OSBPL3: variants seen among roughly 807,000 people sequenced by gnomAD.
The protein encoded by OSBPL3 is oxysterol-binding protein-related protein 3.
OSBPL3 carries 65 observed loss-of-function variants against 120.1 expected under a neutral mutation model. The ratio of observed to expected loss-of-function variants is 0.54; its 90% CI spans 0.44 to 0.67. The LOEUF is 0.67. OSBPL3 is among the 30% of genes least tolerant of loss of function. The pLI is 0.00. For synonymous variants in OSBPL3, 416 were observed against 402.6 expected, an observed-to-expected ratio of 1.03 and a Z score of -0.40; for missense variants, 1,004 against 1,082.1, an observed-to-expected ratio of 0.93 and a Z score of 1.01.
intron 1 of OSBPL3, among the ~76,000 whole-genome samples, chr7:24,978,686 T>C (rs755949959): frequency 2.0e-5 from 3 of 152,268 alleles, no homozygotes; most frequent in African/African-American, 4.8e-5. Context: ...TTCACCCATC[T>C]GTGGAAGTAT....
chr7:24,870,739 T>A lies in OSBPL3; in HGVS notation c.374A>T (p.His125Leu). 1 of 1,593,150 alleles carries A rather than the reference T, an allele frequency of 6.3e-7. No homozygotes were observed. Among genetic ancestry groups the A allele is most frequent in the Non-Finnish European group, 8.6e-7 (1 of 1,160,786 alleles). Reference protein sequence around the residue: ...IDLDTEEHIYHLKVKSEEVFD... With the variant: ...IDLDTEEHIYLLKVKSEEVFD... ...AGTGGGAAGCAGCCTCACCTTCAGA[T>A]GGTAGATGTGCTCCTCGGTGTCAAG... The change falls in exon 5 of 23, where the codon CAT (histidine) becomes CTT (leucine). Residue 125 changes from histidine to leucine, a missense_variant. Around this residue, in one of 4 missense-constraint regions of OSBPL3, gnomAD observed 255 missense variants for 248.7 expected, o/e 1.03. Coordinates refer to ENST00000313367, the MANE Select transcript of OSBPL3 (RefSeq NM_015550.4).
Position 24,939,370 on chromosome 7 carries a change from T to A in OSBPL3, c.-150+40516A>T, listed in dbSNP as rs1812815762. On this transcript the variant is annotated intron_variant, in intron 1 of 22. Coordinates refer to ENST00000313367, the MANE Select transcript of OSBPL3 (RefSeq NM_015550.4). The surrounding 1 kb of genome is among the most constrained non-coding windows in gnomAD (Gnocchi z 4.2). ...TGTGCTTGAGGAGAGCTTGGGCTCC[T>A]CCCCAACCCCAGCTGTAAATCCTGA... Among the ~76,000 whole-genome samples, 1 of 152,166 alleles carries A rather than the reference T, an allele frequency of 6.6e-6. No homozygotes were observed. Among genetic ancestry groups the A allele is most frequent in the Admixed American group, 6.5e-5 (1 of 15,280 alleles).
intron 1 of OSBPL3, among the ~76,000 whole-genome samples, chr7:24,928,336 C>T (rs567477387): frequency 1.5e-4 from 23 of 152,066 alleles, no homozygotes; most frequent in African/African-American, 2.9e-4. Flanking sequence ...GGACTATAGG[C>T]GCCCGCCACC....
chr7:24,881,069 C>G lies in OSBPL3; in HGVS notation c.97-9000G>C, dbSNP rs974061225. Reference sequence around the variant, plus strand: ...GACCCACTGCTTTGCTGGACAGCACCAGCTGAGAACAGTGCTCTCTCTTAC... The same window carrying G: ...GACCCACTGCTTTGCTGGACAGCACGAGCTGAGAACAGTGCTCTCTCTTAC... On this transcript the variant is annotated intron_variant, in intron 2 of 22. Transcript: ENST00000313367. The surrounding 1 kb of genome is among the most constrained non-coding windows in gnomAD (Gnocchi z 4.3). Among the ~76,000 whole-genome samples the G allele has an allele frequency of 6.6e-6, 1 of 152,178 alleles. No individual in the cohort carries two copies. Among genetic ancestry groups the G allele is most frequent in the South Asian group, 2.1e-4 (1 of 4,832 alleles).
At position 24,819,197 on chromosome 7, in the gene OSBPL3, G is replaced by A. The variant is rs1178124802; in HGVS notation, c.1948+978C>T. On this transcript the variant is annotated intron_variant, in intron 17 of 22. Coordinates refer to ENST00000313367, the MANE Select transcript of OSBPL3 (RefSeq NM_015550.4). The surrounding 1 kb of genome is among the most constrained non-coding windows in gnomAD (Gnocchi z 4.1). ...GAACACGGGAGACGGAGGTTGCAGT[G>A]AGCCGAGATCGCACCACTGCACTCC... is the stretch of plus-strand genomic sequence containing the variant. Among the ~76,000 whole-genome samples, 1 of 148,470 alleles carries A rather than the reference G, an allele frequency of 6.7e-6. No individual in the cohort carries two copies. Among genetic ancestry groups the A allele is most frequent in the African/African-American group, 2.5e-5 (1 of 40,062 alleles).
chr7:24,975,158 T>C (rs1174462419), intron 1 of OSBPL3, among the ~76,000 whole-genome samples: 3 of 152,226 alleles, frequency 2.0e-5, no homozygotes, highest in Admixed American at 2.0e-4. Flanking sequence ...TTAGTACATT[T>C]TTAGTAACAG....
In OSBPL3 at chr7:24,882,521, A is replaced by G. The variant is rs571585240; in HGVS notation, c.96+9856T>C. On this transcript the variant is annotated intron_variant, in intron 2 of 22. Coordinates refer to ENST00000313367, the MANE Select transcript of OSBPL3 (RefSeq NM_015550.4). ...TCATTGGTGGAAACAGGTTAATTTT[A>G]TATCTCTGATATTGTAAATACTGAT... Among the ~76,000 whole-genome samples the G allele has an allele frequency of 2.0e-4, 30 of 152,214 alleles. 1 individual carries two copies. The highest frequency in any genetic ancestry group is 7.2e-4 in the African/African-American group (30 of 41,460).
intron 2 of OSBPL3, among the ~76,000 whole-genome samples, chr7:24,886,815 C>T (rs1335914086): frequency 6.6e-6 from 1 of 152,166 alleles, no homozygotes; most frequent in Non-Finnish European, 1.5e-5. Flanking sequence ...GTCGTGGGGC[C>T]TGGCAGAACT....
rs1439636312 is a variant in OSBPL3 at position 24,813,123 on chromosome 7, C to T, written c.2172+1936G>A. 6.6e-6 allele frequency among the ~76,000 whole-genome samples: 1 copy of T among 152,186 alleles called. No homozygotes were observed. The highest frequency in any genetic ancestry group is 2.4e-5 in the African/African-American group (1 of 41,446). ...CAAATTTCAGGCCTCAAGTGAGCCT[C>T]CTGCTTCAGCCTCCCAAAGTGCTGG... On this transcript the variant is annotated intron_variant, in intron 19 of 22. Transcript: ENST00000313367. This position sits in a 1 kb window ranked among gnomAD's most constrained non-coding sequence, Gnocchi z 4.5.
rs1814632818 is a variant in OSBPL3 at position 24,953,093 on chromosome 7, C to T, written c.-150+26793G>A. 6.6e-6 allele frequency among the ~76,000 whole-genome samples: 1 copy of T among 152,182 alleles called. No individual in the cohort carries two copies. The highest frequency in any genetic ancestry group is 2.1e-4 in the South Asian group (1 of 4,824). Reference sequence around the variant, plus strand: ...TCAAGGTTGCAGTGAGCCATGATCACACCACTGTGCTCCAGCCTGGACGAC... The same window carrying T: ...TCAAGGTTGCAGTGAGCCATGATCATACCACTGTGCTCCAGCCTGGACGAC... On this transcript the variant is annotated intron_variant, in intron 1 of 22. Transcript: ENST00000313367. The surrounding 1 kb of genome is among the most constrained non-coding windows in gnomAD (Gnocchi z 4.3).
In OSBPL3 at chr7:24,891,743, G is replaced by C. The variant is rs1298890304; in HGVS notation, c.96+634C>G. Among the ~76,000 whole-genome samples the C allele has an allele frequency of 6.6e-6, 1 of 152,180 alleles. No individual in the cohort carries two copies. Among genetic ancestry groups the C allele is most frequent in the Non-Finnish European group, 1.5e-5 (1 of 68,026 alleles). On this transcript the variant is annotated intron_variant, in intron 2 of 22. Coordinates refer to ENST00000313367, the MANE Select transcript of OSBPL3 (RefSeq NM_015550.4). This position sits in a 1 kb window ranked among gnomAD's most constrained non-coding sequence, Gnocchi z 4.1. Reference sequence around the variant, plus strand: ...TATATAATTACTCAACAGTTATTTAGGAGTTAATTATTCATTCCTTTGTTT... The same window carrying C: ...TATATAATTACTCAACAGTTATTTACGAGTTAATTATTCATTCCTTTGTTT...
At chr7:24,885,429 C>T (rs1804368120) in intron 2 of OSBPL3, among the ~76,000 whole-genome samples, 1 of 151,564 alleles carries the variant, frequency 6.6e-6, no homozygotes, top group Non-Finnish European at 1.5e-5. Flanking sequence ...TAATCTAATA[C>T]CCTGCATAAA....
At chr7:24,971,658 T>A (rs369008492) in intron 1 of OSBPL3, among the ~76,000 whole-genome samples, 4 of 152,198 alleles carry the variant, frequency 2.6e-5, no homozygotes, top group African/African-American at 7.2e-5. Context: ...TAAAGGGATG[T>A]TGGAAAAACC....
In OSBPL3 at chr7:24,798,536, C is replaced by T. The variant is rs966356892; in HGVS notation, c.*1647G>A. 3.3e-5 allele frequency: 5 copies of T among 152,166 alleles called. No homozygotes were observed. The highest frequency in any genetic ancestry group is 1.9e-4 in the East Asian group (1 of 5,200). The allele number at this position is 152,166 out of a possible 1,614,324, so 9.4% of individuals were successfully genotyped here. On this transcript the variant is annotated 3_prime_UTR_variant, in exon 23 of 23. Coordinates refer to ENST00000313367, the MANE Select transcript of OSBPL3 (RefSeq NM_015550.4). The surrounding 1 kb of genome is among the most constrained non-coding windows in gnomAD (Gnocchi z 4.6). ...TCACATTGTGTTCATCTTGGCATCT[C>T]GATAAAATGAATCCAATATTTAATG...
chr7:24,908,044 C>G (rs1311727163), intron 1 of OSBPL3, among the ~76,000 whole-genome samples: 1 of 152,186 alleles, frequency 6.6e-6, no homozygotes, highest in African/African-American at 2.4e-5. Flanking sequence ...GCTATTCCTT[C>G]CTTGTGAGAT....
At chr7:24,828,004 T>C (rs1795901362) in intron 16 of OSBPL3, among the ~76,000 whole-genome samples, 1 of 152,174 alleles carries the variant, frequency 6.6e-6, no homozygotes, top group South Asian at 2.1e-4. Flanking sequence ...CTCTCTGCCT[T>C]GTCAACACTC....
At chr7:24,850,189 C>T (rs1476341291) in intron 11 of OSBPL3, among the ~76,000 whole-genome samples, 1 of 152,176 alleles carries the variant, frequency 6.6e-6, no homozygotes, top group East Asian at 1.9e-4. Context: ...GCCCCCAGGC[C>T]TCCTTTATAT....
In OSBPL3 at chr7:24,865,224, A is replaced by C. The variant is rs559468344; in HGVS notation, c.673+118T>G. 515 of 1,083,292 alleles carry C rather than the reference A, an allele frequency of 4.8e-4. 1 individual carries two copies. The highest frequency in any genetic ancestry group is 6.5e-4 in the Non-Finnish European group (485 of 746,862). 67.1% of individuals were successfully genotyped at this position (1,083,292 alleles called of 1,614,324 possible). ...GATGGGTGCAACCTTTACAAGCAAA[A>C]TATGGAAGGGAATGTGGACAAGCAT... On this transcript the variant is annotated intron_variant, in intron 7 of 22. Transcript: ENST00000313367.
In OSBPL3 at chr7:24,967,702, C is replaced by A. The variant is rs899113990; in HGVS notation, c.-150+12184G>T. Among the ~76,000 whole-genome samples, 15 of 152,102 alleles carry A rather than the reference C, an allele frequency of 9.9e-5. No individual in the cohort carries two copies. The highest frequency in any genetic ancestry group is 3.6e-4 in the African/African-American group (15 of 41,408). ...CCTACCTACCTCTTGGCTTACCTTC[C>A]CCAAGGTACTACAGGCTTCCCCCTT... On this transcript the variant is annotated intron_variant, in intron 1 of 22. Coordinates refer to ENST00000313367, the MANE Select transcript of OSBPL3 (RefSeq NM_015550.4). The surrounding 1 kb of genome is among the most constrained non-coding windows in gnomAD (Gnocchi z 5.6).
Sources: allele counts gnomAD v4.1 joint callset (sites outside exome capture counted in the v4.1 genomes callset), GRCh38; gene constraint gnomAD v4.1.1; regional missense constraint gnomAD v4.1.1; non-coding constraint Gnocchi (gnomAD v3.1); transcripts MANE v1.5; gene names NCBI Gene and HGNC (gene_info 2026-07-23, HGNC 2026-07-21).